Variants in GABRG1 observed in about 807,000 individuals in gnomAD.
The protein encoded by GABRG1 is gamma-aminobutyric acid type A receptor subunit gamma1, also known as gamma-aminobutyric acid receptor subunit gamma-1.
GABRG1 carries 49 observed loss-of-function variants against 49.8 expected under a neutral mutation model. That is an observed-to-expected ratio of 0.98 (90% confidence interval 0.78 to 1.25). The LOEUF is 1.25. Among genes scored for constraint, GABRG1 ranks in the 50% most tolerant of loss-of-function variants. The pLI is 0.00. For synonymous variants in GABRG1, 232 were observed against 185.1 expected, an observed-to-expected ratio of 1.25 and a Z score of -2.06; for missense variants, 552 against 552.3, an observed-to-expected ratio of 1.00 and a Z score of 0.01.
At chr4:46,094,724 G>A (rs1012182401) in intron 2 of GABRG1, among the ~76,000 whole-genome samples, 1 of 151,714 alleles carries the variant, frequency 6.6e-6, no homozygotes, top group African/African-American at 2.4e-5. Flanking sequence ...ATTTCTCCCC[G>A]ACCACAAAAT....
chr4:46,083,872 G>T (rs1719660974), intron 3 of GABRG1, 114 bp downstream of exon 3: 2 of 689,954 alleles, frequency 2.9e-6, no homozygotes, highest in African/African-American at 1.9e-5. Context: ...TGTACATGTT[G>T]ATCTGAATTC....
chr4:46,062,089 A>G (rs28664946), intron 5 of GABRG1, among the ~76,000 whole-genome samples: 71,021 of 138,404 alleles, frequency 0.51, 18,185 homozygotes, highest in African/African-American at 0.64. Context: ...ATGTGTTCTC[A>G]TTGTTCAATT....
intron 1 of GABRG1, among the ~76,000 whole-genome samples, chr4:46,107,151 T>A (rs1437130565): frequency 6.6e-6 from 1 of 151,418 alleles, no homozygotes; most frequent in Non-Finnish European, 1.5e-5. Flanking sequence ...TAGTAGGTTT[T>A]ATTCATTCAT....
At chr4:46,044,697 G>A (rs1004461890) in intron 8 of GABRG1, among the ~76,000 whole-genome samples, 6 of 152,028 alleles carry the variant, frequency 3.9e-5, no homozygotes, top group African/African-American at 1.4e-4. Context: ...AGGAAGAATG[G>A]GAGTAATGAA....
intron 2 of GABRG1, among the ~76,000 whole-genome samples, chr4:46,095,502 C>G (rs746778701): frequency 1.5e-4 from 23 of 151,452 alleles, no homozygotes; most frequent in Admixed American, 5.3e-4. Flanking sequence ...CAGTTGAAAC[C>G]TTTCTTAAAA....
At chr4:46,088,738 TACACACACAC>T (rs3069480) in intron 2 of GABRG1, among the ~76,000 whole-genome samples, 4 of 142,892 alleles carry the variant, frequency 2.8e-5, no homozygotes, top group East Asian at 4.3e-4. Context: ...CACTATAAAA[TACACACACAC>T]ACACACACAC....
At chr4:46,122,262 T>G (rs1721108199) in intron 1 of GABRG1, among the ~76,000 whole-genome samples, 1 of 152,100 alleles carries the variant, frequency 6.6e-6, no homozygotes, top group African/African-American at 2.4e-5. Flanking sequence ...TCTCTTGGGA[T>G]AGATAATATG....
chr4:46,082,009 G>A (rs1191650125), intron 3 of GABRG1, among the ~76,000 whole-genome samples: 1 of 151,768 alleles, frequency 6.6e-6, no homozygotes, highest in African/African-American at 2.4e-5. Context: ...ACTTCGTTGT[G>A]GCAACCCTAG....
intron 3 of GABRG1, among the ~76,000 whole-genome samples, chr4:46,080,820 G>A (rs941569036): frequency 6.6e-6 from 1 of 151,618 alleles, no homozygotes; most frequent in Non-Finnish European, 1.5e-5. Flanking sequence ...GCTCAAACAG[G>A]CTTCTTTTCT....
At chr4:46,100,188 C>A (rs2109433112) in intron 1 of GABRG1, among the ~76,000 whole-genome samples, 1 of 151,638 alleles carries the variant, frequency 6.6e-6, no homozygotes, top group African/African-American at 2.4e-5. Flanking sequence ...ATTATTTTCT[C>A]CAAGTAAATA....
At chr4:46,099,830 T>C (rs1439175926) in intron 1 of GABRG1, among the ~76,000 whole-genome samples, 9 of 151,634 alleles carry the variant, frequency 5.9e-5, no homozygotes, top group Admixed American at 5.9e-4. Context: ...TCCCTTACTT[T>C]GCAAATGAAG....
chr4:46,102,136 G>C (rs903873618), intron 1 of GABRG1, among the ~76,000 whole-genome samples: 3 of 151,508 alleles, frequency 2.0e-5, no homozygotes, highest in African/African-American at 7.3e-5. Flanking sequence ...TAACTAAATA[G>C]AGTATTTTAG....
At chr4:46,104,360 C>A (rs1327360809) in intron 1 of GABRG1, among the ~76,000 whole-genome samples, 2 of 151,546 alleles carry the variant, frequency 1.3e-5, no homozygotes, top group African/African-American at 2.4e-5. Flanking sequence ...GCTCTACATT[C>A]TTCTCCAGCC....
intron 1 of GABRG1, among the ~76,000 whole-genome samples, chr4:46,119,518 C>T (rs1299938928): frequency 1.3e-5 from 2 of 151,376 alleles, no homozygotes; most frequent in African/African-American, 4.8e-5. Flanking sequence ...AATATCGAGG[C>T]TATATTCTTC....
At chr4:46,075,326 T>C (rs1265615617) in intron 3 of GABRG1, among the ~76,000 whole-genome samples, 1 of 152,092 alleles carries the variant, frequency 6.6e-6, no homozygotes, top group African/African-American at 2.4e-5. Flanking sequence ...TTAACTTTTT[T>C]ACTTTGAACA....
rs774895572 is a variant in GABRG1, at chr4:46,065,529, A to T, written c.377T>A (p.Phe126Tyr). 6.8e-6 allele frequency: 11 copies of T among 1,608,762 alleles called. No individual in the cohort carries two copies. The highest frequency in any genetic ancestry group is 9.4e-6 in the Non-Finnish European group (11 of 1,175,598). Reference protein sequence around the residue: ...AQTWFDSRLKFNSTMKVLMLN... With the variant: ...AQTWFDSRLKYNSTMKVLMLN... ...CATAAGCACTTTCATGGTACTATTG[A>T]ATTTTAAACGACTGTCAAACCAGGT... The change falls in exon 4 of 9, where the codon TTC becomes TAC. Residue 126 changes from phenylalanine (F) to tyrosine (Y), a missense_variant. By Grantham distance (22) the Phe-to-Tyr change is conservative. Transcript: ENST00000295452.
At chr4:46,090,333 T>C (rs1486696807) in intron 2 of GABRG1, among the ~76,000 whole-genome samples, 1 of 152,010 alleles carries the variant, frequency 6.6e-6, no homozygotes, top group Non-Finnish European at 1.5e-5. Flanking sequence ...CTGAAATAAA[T>C]GTACCTAAAA....
intron 1 of GABRG1, among the ~76,000 whole-genome samples, chr4:46,101,490 T>C (rs574662135): frequency 9.9e-5 from 15 of 151,636 alleles, no homozygotes; most frequent in Non-Finnish European, 1.6e-4. Context: ...AGTCGCACAC[T>C]ATATGACAAA....
intron 2 of GABRG1, among the ~76,000 whole-genome samples, chr4:46,084,410 C>T (rs1430233741): frequency 6.6e-6 from 1 of 151,536 alleles, no homozygotes; most frequent in Non-Finnish European, 1.5e-5. Flanking sequence ...AATCGCAATG[C>T]TATGATTGAC....
Sources: gnomAD v4.1 joint callset for allele counts (sites outside exome capture counted in the v4.1 genomes callset) on GRCh38, gnomAD v4.1.1 for gene constraint, MANE v1.5 for transcripts, NCBI Gene and HGNC (gene_info 2026-07-23, HGNC 2026-07-21) for gene names.